GALNT13: variants seen among roughly 807,000 people sequenced by gnomAD.
The protein encoded by GALNT13 is UDP-GalNAc:polypeptide N-acetylgalactosaminyltransferase 13.
A neutral mutation model predicts 64.2 loss-of-function variants in GALNT13; 28 were observed. The observed-to-expected ratio is 0.44, with a 90% confidence interval of 0.32 to 0.60. The LOEUF (loss-of-function observed/expected upper bound fraction) is 0.60. Among genes scored for constraint, GALNT13 ranks in the 20% least tolerant of loss-of-function variants. GALNT13 has a pLI of 0.05. For synonymous variants in GALNT13, 214 were observed against 224.6 expected, an observed-to-expected ratio of 0.95 and a Z score of 0.42; for missense variants, 577 against 669.8, an observed-to-expected ratio of 0.86 and a Z score of 1.53.
the GALNT13 span, among the ~76,000 whole-genome samples, chr2:153,469,902 C>T: frequency 2.0e-5 from 3 of 150,812 alleles, no homozygotes. Flanking sequence ...AATGACTGAT[C>T]CAAATGCCCA....
chr2:153,111,750 A>C, the GALNT13 span, among the ~76,000 whole-genome samples: 1 of 152,066 alleles, frequency 6.6e-6, no homozygotes, highest in Non-Finnish European at 1.5e-5. Flanking sequence ...ATAATAGACC[A>C]TACTAATACT....
chr2:153,305,157 G>T, the GALNT13 span, among the ~76,000 whole-genome samples: 2 of 152,146 alleles, frequency 1.3e-5, no homozygotes, highest in Admixed American at 6.5e-5. Flanking sequence ...CAACTTGCAG[G>T]TGCTTCGTGT....
At chr2:154,438,464 A>G (rs2105470236) in intron 11 of GALNT13, 128 bp from the exon 12 acceptor site, 1 of 598,706 alleles carries the variant, frequency 1.7e-6, no homozygotes, top group Non-Finnish European at 2.8e-6. Flanking sequence ...TAGCTTTCTC[A>G]AGATAACATA....
intron 3 of GALNT13, among the ~76,000 whole-genome samples, chr2:154,037,113 G>T (rs983685824): frequency 6.6e-6 from 1 of 151,984 alleles, no homozygotes; most frequent in African/African-American, 2.4e-5. Flanking sequence ...TGTGACATAT[G>T]TTTATTTTTT....
intron 4 of GALNT13, among the ~76,000 whole-genome samples, chr2:154,183,354 ACT>A (rs777039602): frequency 3.0e-4 from 46 of 151,590 alleles, no homozygotes; most frequent in African/African-American, 1.1e-3. Context: ...ATACTTGTGG[ACT>A]CTCTTTCATT....
chr2:154,168,972 G>T (rs1685195746), intron 4 of GALNT13, among the ~76,000 whole-genome samples: 1 of 152,144 alleles, frequency 6.6e-6, no homozygotes, highest in South Asian at 2.1e-4. Flanking sequence ...TCTACTCATG[G>T]TGCAAGGGGG....
chr2:153,575,372 C>A, the GALNT13 span, among the ~76,000 whole-genome samples: 2 of 152,212 alleles, frequency 1.3e-5, no homozygotes, highest in East Asian at 1.9e-4. Context: ...CACGCCTTGA[C>A]TACTACCTAT....
chr2:153,287,948 C>T, the GALNT13 span, among the ~76,000 whole-genome samples: 3 of 152,082 alleles, frequency 2.0e-5, no homozygotes, highest in East Asian at 5.8e-4. Context: ...CTTCCCTGCC[C>T]CCCTCCCATA....
the GALNT13 span, among the ~76,000 whole-genome samples, chr2:153,594,236 C>A: frequency 6.6e-6 from 1 of 152,084 alleles, no homozygotes; most frequent in East Asian, 1.9e-4. Context: ...TTATAAGCCA[C>A]AATTTTGCTC....
intron 12 of GALNT13, among the ~76,000 whole-genome samples, chr2:154,447,781 A>T (rs565539322): frequency 3.3e-5 from 5 of 152,150 alleles, no homozygotes; most frequent in African/African-American, 1.2e-4. Context: ...GTAAAGCTGG[A>T]AAAGTCTAGG....
At chr2:153,681,501 A>G in the GALNT13 span, among the ~76,000 whole-genome samples, 1 of 151,802 alleles carries the variant, frequency 6.6e-6, no homozygotes, top group Non-Finnish European at 1.5e-5. Flanking sequence ...AAATATGTTT[A>G]TCTCCCCACT....
intron 10 of GALNT13, among the ~76,000 whole-genome samples, chr2:154,401,400 G>A (rs1313994723): frequency 2.0e-5 from 3 of 152,010 alleles, no homozygotes; most frequent in East Asian, 3.9e-4. Context: ...GGTGACTTAC[G>A]TAAATGCGGA....
the GALNT13 span, among the ~76,000 whole-genome samples, chr2:153,263,121 C>T: frequency 6.6e-5 from 10 of 151,960 alleles, no homozygotes; most frequent in African/African-American, 2.4e-4. Context: ...AATCAATGTG[C>T]AAAAGTCACA....
chr2:153,999,542 G>C (rs934894547), intron 3 of GALNT13, among the ~76,000 whole-genome samples: 1 of 151,926 alleles, frequency 6.6e-6, no homozygotes, highest in South Asian at 2.1e-4. Context: ...GAATTTTGAT[G>C]TTTGATTTTT....
the GALNT13 span, among the ~76,000 whole-genome samples, chr2:153,410,874 TAGAGAGAGAGAGAGAGAGAAAGG>T: frequency 6.8e-6 from 1 of 147,392 alleles, no homozygotes; most frequent in African/African-American, 2.5e-5. Flanking sequence ...AATATATATT[TAGAGAGAGAGAGAGAGAGAAAGG>T]AGAGAGAGAG....
chr2:154,016,703 A>G (rs1697031696), intron 3 of GALNT13, among the ~76,000 whole-genome samples: 1 of 152,222 alleles, frequency 6.6e-6, no homozygotes. Flanking sequence ...GGCATGAGCC[A>G]CTGCGCCTGG....
At chr2:153,949,754 A>G (rs1219796023) in intron 3 of GALNT13, among the ~76,000 whole-genome samples, 1 of 152,066 alleles carries the variant, frequency 6.6e-6, no homozygotes, top group East Asian at 1.9e-4. Context: ...ACAGGGGGAG[A>G]CAAATTGTCC....
the GALNT13 span, among the ~76,000 whole-genome samples, chr2:153,484,719 G>A: frequency 2.0e-5 from 3 of 152,136 alleles, no homozygotes; most frequent in African/African-American, 7.2e-5. Flanking sequence ...AATTTCTGGA[G>A]GTAGGGCCCA....
chr2:153,307,268 A>G, the GALNT13 span, among the ~76,000 whole-genome samples: 1 of 152,242 alleles, frequency 6.6e-6, no homozygotes, highest in African/African-American at 2.4e-5. Context: ...TTAAGCCGAT[A>G]CATTGCCATT....
Sources: gnomAD v4.1 joint callset for allele counts (sites outside exome capture counted in the v4.1 genomes callset) on GRCh38, gnomAD v4.1.1 for gene constraint, MANE v1.5 for transcripts, NCBI Gene and HGNC (gene_info 2026-07-23, HGNC 2026-07-21) for gene names.